PITPNM2: variants seen among roughly 807,000 people sequenced by gnomAD.
PITPNM2 encodes the protein membrane-associated phosphatidylinositol transfer protein 2.
Under a neutral mutation model 132.2 loss-of-function variants are expected in PITPNM2, and 35 were observed. The ratio of observed to expected loss-of-function variants is 0.26; its 90% CI spans 0.20 to 0.35. The LOEUF (loss-of-function observed/expected upper bound fraction) is 0.35. Among genes scored for constraint, PITPNM2 ranks in the 10% least tolerant of loss-of-function variants. The probability of loss-of-function intolerance (pLI) is 1.00; values close to 1 mark genes in which losing one functional copy is unlikely to be tolerated. For missense variants in PITPNM2, 1,332 were observed against 1,912.0 expected (o/e 0.70, Z 5.66); for synonymous variants, 738 against 799.2 (o/e 0.92, Z 1.29).
intron 23 of PITPNM2, 81 bp from the exon 24 acceptor site, chr12:122,986,910 G>A: frequency 6.9e-7 from 1 of 1,453,498 alleles, no homozygotes; most frequent in Non-Finnish European, 9.2e-7. Flanking sequence ...GGGCCCACTT[G>A]GGCCATTGGA....
intron 2 of PITPNM2, among the ~76,000 whole-genome samples, chr12:123,040,107 G>C (rs2136520770): frequency 6.6e-6 from 1 of 152,226 alleles, no homozygotes; most frequent in Non-Finnish European, 1.5e-5. Context: ...TCCAGCCTGG[G>C]CAACAGAGCG....
rs1162891328 is a variant in PITPNM2 at position 122,990,536 on chromosome 12, T to C, written c.2569+9A>G. 1.9e-6 allele frequency: 3 copies of C among 1,612,352 alleles called. No individual in the cohort carries two copies. Among genetic ancestry groups the C allele is most frequent in the Non-Finnish European group, 2.5e-6 (3 of 1,179,810 alleles). On this transcript the variant is annotated intron_variant, in intron 17 of 25. Transcript: ENST00000320201. The stretch of plus-strand genomic sequence containing the variant: ...TGAGTGAGGAGGGTGAGGGGCCTGG[T>C]ATACTCACTCTGGGCGATGCTGGAT...
chr12:123,008,020 G>A lies in PITPNM2; in HGVS notation c.643+1830C>T, dbSNP rs1364130299. On this transcript the variant is annotated intron_variant, in intron 6 of 25. Transcript: ENST00000320201. This position sits in a 1 kb window ranked among gnomAD's most constrained non-coding sequence, Gnocchi z 4.1. ...TCTTCAGTTCTGAACCCACGGTCTC[G>A]GCCCACAACAGTCCGATAGGATCGG... 1.3e-5 allele frequency among the ~76,000 whole-genome samples: 2 copies of A among 152,278 alleles called. No homozygotes were observed. The highest frequency in any genetic ancestry group is 1.9e-4 in the East Asian group (1 of 5,190).
intron 2 of PITPNM2, among the ~76,000 whole-genome samples, chr12:123,054,566 G>A (rs2040959629): frequency 6.6e-6 from 1 of 152,230 alleles, no homozygotes; most frequent in African/African-American, 2.4e-5. Context: ...TGCAGTCCAA[G>A]AGAATCCTGG....
chr12:123,072,833 A>G (rs1592992070), intron 2 of PITPNM2, among the ~76,000 whole-genome samples: 1 of 152,380 alleles, frequency 6.6e-6, no homozygotes, highest in Middle Eastern at 3.4e-3. Flanking sequence ...ATCATAAGAT[A>G]CAACTTTCCC....
chr12:123,089,383 T>C (rs897836827), intron 2 of PITPNM2: 1 of 152,182 alleles, frequency 6.6e-6, no homozygotes, highest in Non-Finnish European at 1.5e-5. Context: ...GATAGAAAGC[T>C]CTGGGTCACT....
At chr12:123,057,797 A>G (rs1327984130) in intron 2 of PITPNM2, among the ~76,000 whole-genome samples, 2 of 152,190 alleles carry the variant, frequency 1.3e-5, no homozygotes, top group Non-Finnish European at 2.9e-5. Flanking sequence ...GGAAAGAAGG[A>G]GGGGGAAAGC....
At chr12:123,010,714 G>C (rs1245259077) in intron 5 of PITPNM2, 1 of 155,098 alleles carries the variant, frequency 6.4e-6, no homozygotes, top group African/African-American at 2.4e-5. Flanking sequence ...CCCTGGACAT[G>C]CCGGCCACTT....
chr12:123,012,878 CT>C, intron 4 of PITPNM2, 144 bp from the exon 5 acceptor site: 1 of 1,092,034 alleles, frequency 9.2e-7, no homozygotes, highest in Non-Finnish European at 1.3e-6. Flanking sequence ...CTTGCCTGCC[CT>C]GTCCACCTCT....
At chr12:123,087,352 A>G (rs1019497707) in intron 2 of PITPNM2, 3 of 151,936 alleles carry the variant, frequency 2.0e-5, no homozygotes, top group African/African-American at 7.3e-5. Context: ...TCCCAGGCTC[A>G]AGCAATTCTC....
At chr12:123,015,986 T>G (rs1157290773) in intron 3 of PITPNM2, among the ~76,000 whole-genome samples, 1 of 152,126 alleles carries the variant, frequency 6.6e-6, no homozygotes, top group African/African-American at 2.4e-5. Context: ...CAATAAGCAA[T>G]GAAAAGATGT....
chr12:123,112,538 C>CT lies in PITPNM2; in HGVS notation c.-199-2051dup, dbSNP rs113732529. Among the ~76,000 whole-genome samples, 1,200 of 140,082 alleles carry CT rather than the reference C, an allele frequency of 8.6e-3. 11 individuals are homozygous for CT. Among genetic ancestry groups the CT allele is most frequent in the Admixed American group, 0.015 (211 of 13,886 alleles). The allele number at this position is 140,082 out of a possible 152,430, so 91.9% of individuals were successfully genotyped here. A position where few individuals can be genotyped will look rare whatever the true frequency, so the allele number is the denominator to read the frequency against. On this transcript the variant is annotated intron_variant, in intron 1 of 25. Transcript: ENST00000320201. ...GTTTTAAATCCAAATCTTCAATATA[C>CT]TTTTTTTTTTTTTTTTTTGAGATGG... is the stretch of plus-strand genomic sequence containing the variant.
At chr12:123,085,237 C>T (rs918573765) in intron 2 of PITPNM2, among the ~76,000 whole-genome samples, 6 of 152,328 alleles carry the variant, frequency 3.9e-5, no homozygotes, top group East Asian at 1.9e-4. Flanking sequence ...GCGCCATCTG[C>T]GTGACCCAGA....
At chr12:123,141,108 G>A (rs540354046) in intron 1 of PITPNM2, among the ~76,000 whole-genome samples, 3 of 152,246 alleles carry the variant, frequency 2.0e-5, no homozygotes, top group Admixed American at 1.3e-4. Flanking sequence ...ATGAACATGA[G>A]GGATCAGGTC....
rs2041987936 is a variant in PITPNM2, at chr12:123,082,351, T to G, written c.-96+28034A>C. Among the ~76,000 whole-genome samples, 1 of 152,236 alleles carries G rather than the reference T, an allele frequency of 6.6e-6. No individual in the cohort carries two copies. The highest frequency in any genetic ancestry group is 1.9e-4 in the East Asian group (1 of 5,206). On this transcript the variant is annotated intron_variant, in intron 2 of 25. Transcript: ENST00000320201. This position sits in a 1 kb window ranked among gnomAD's most constrained non-coding sequence, Gnocchi z 5.4. ...CCCTTTCTAATTTTCTTCAGAGCGTTGATCGTTATCTAGTACCCGACTTAC... is the reference window on the plus strand; with the variant it reads ...CCCTTTCTAATTTTCTTCAGAGCGTGGATCGTTATCTAGTACCCGACTTAC...
At position 123,078,516 on chromosome 12, in the gene PITPNM2, C is replaced by T. The variant is rs1441506240; in HGVS notation, c.-96+31869G>A. On this transcript the variant is annotated intron_variant, in intron 2 of 25. Transcript: ENST00000320201. This position sits in a 1 kb window ranked among gnomAD's most constrained non-coding sequence, Gnocchi z 7.3. Reference sequence around the variant, plus strand: ...CCCAGAGACTAAAGTGACCCTCTCCCCGGGCTTAGGTGATACCTTGTGTTA... The same window carrying T: ...CCCAGAGACTAAAGTGACCCTCTCCTCGGGCTTAGGTGATACCTTGTGTTA... Among the ~76,000 whole-genome samples the T allele has an allele frequency of 1.3e-5, 2 of 152,224 alleles. No individual in the cohort carries two copies. The highest frequency in any genetic ancestry group is 4.8e-5 in the African/African-American group (2 of 41,470).
intron 2 of PITPNM2, among the ~76,000 whole-genome samples, chr12:123,079,683 T>C (rs1241480068): frequency 6.6e-6 from 1 of 152,214 alleles, no homozygotes; most frequent in Non-Finnish European, 1.5e-5. Context: ...TGTTCAAGCA[T>C]ATGGCAAAGT....
chr12:123,140,170 G>A (rs1358016921), intron 1 of PITPNM2, among the ~76,000 whole-genome samples: 1 of 152,130 alleles, frequency 6.6e-6, no homozygotes, highest in East Asian at 1.9e-4. Context: ...TTAGGCCCCC[G>A]GGGAACGCAG....
At position 123,097,466 on chromosome 12, in the gene PITPNM2, G is replaced by A. The variant is rs1327286271; in HGVS notation, c.-96+12919C>T. Among the ~76,000 whole-genome samples the A allele has an allele frequency of 6.6e-6, 1 of 152,120 alleles. No homozygotes were observed. The highest frequency in any genetic ancestry group is 6.5e-5 in the Admixed American group (1 of 15,274). On this transcript the variant is annotated intron_variant, in intron 2 of 25. Transcript: ENST00000320201. This position sits in a 1 kb window ranked among gnomAD's most constrained non-coding sequence, Gnocchi z 4.7. ...TCCTCTCCTTGGCAGACCCTCCCTC[G>A]CTCCTCTACCCTCGACCCCACAGGC...
Sources: allele counts gnomAD v4.1 joint callset (sites outside exome capture counted in the v4.1 genomes callset), GRCh38; gene constraint gnomAD v4.1.1; non-coding constraint Gnocchi (gnomAD v3.1); transcripts MANE v1.5; gene names NCBI Gene and HGNC (gene_info 2026-07-23, HGNC 2026-07-21).